PRRG1: variants seen among roughly 807,000 people sequenced by gnomAD.
PRRG1 encodes the protein proline rich and Gla domain 1.
PRRG1 carries 5 observed loss-of-function variants against 11.8 expected under a neutral mutation model. The ratio of observed to expected loss-of-function variants is 0.42; its 90% CI spans 0.22 to 0.89. The LOEUF is 0.89. PRRG1 is among the 40% of genes least tolerant of loss of function. The pLI, the probability that PRRG1 is intolerant of heterozygous loss-of-function variation, is 0.28. For synonymous variants in PRRG1, 66 were observed against 60.4 expected, an observed-to-expected ratio of 1.09 and a Z score of -0.43; for missense variants, 155 against 166.1, an observed-to-expected ratio of 0.93 and a Z score of 0.37.
chrX:37,352,584 T>G lies in PRRG1; in HGVS notation c.-42+3189T>G, dbSNP rs892559953. 2.7e-5 allele frequency among the ~76,000 whole-genome samples: 3 copies of G among 111,510 alleles called. No homozygotes were observed. The East Asian group carries it at 8.4e-4, about 31-fold the overall frequency. ...ATATTTCTGATTTTTTTTCTCTAATTCTTTGACCGGTTAACCTCAGTCACC... is the reference window on the plus strand; with the variant it reads ...ATATTTCTGATTTTTTTTCTCTAATGCTTTGACCGGTTAACCTCAGTCACC... On this transcript the variant is annotated intron_variant, in intron 1 of 3. Transcript: ENST00000378628.
chrX:37,439,433 C>T (rs1932934320), intron 3 of PRRG1, among the ~76,000 whole-genome samples: 1 of 111,896 alleles, frequency 8.9e-6, no homozygotes, highest in African/African-American at 3.3e-5. Context: ...CTGTTCATTT[C>T]ACAAATGAGG....
chrX:37,442,054 G>A (rs1302887279), intron 3 of PRRG1: 5 of 771,309 alleles, frequency 6.5e-6, no homozygotes, highest in East Asian at 2.8e-4. Flanking sequence ...CACCCTGGGC[G>A]GCAGCGAGGA....
rs149902784 is a variant in PRRG1 at position 37,441,715 on chromosome X, G to A, written c.172-11421G>A. ...CCTGCGCCAGTTGCACAAGAAGAGGGAGCACGTCCAGGAGCTGATGAGGCT... is the reference window on the plus strand; with the variant it reads ...CCTGCGCCAGTTGCACAAGAAGAGGAAGCACGTCCAGGAGCTGATGAGGCT... On this transcript the variant is annotated intron_variant, in intron 3 of 3. Transcript: ENST00000378628. The A allele has an allele frequency of 7.9e-3, 6,218 of 791,174 alleles. 25 individuals are homozygous for A. Among genetic ancestry groups the A allele is most frequent in the Middle Eastern group, 0.012 (29 of 2,368 alleles). The allele number at this position is 791,174 out of a possible 1,213,427, so 65.2% of individuals were successfully genotyped here.
In PRRG1 at chrX:37,357,920, G is replaced by A. The variant is rs782487816; in HGVS notation, c.-42+8525G>A. ...TCCTTGCCAGCATTTGGTGTTGTCA[G>A]TGTTCTGTATTCTGGCCATTTTAAT... On this transcript the variant is annotated intron_variant, in intron 1 of 3. Coordinates refer to ENST00000378628, the MANE Select transcript of PRRG1 (RefSeq NM_001142395.2). Among the ~76,000 whole-genome samples the A allele has an allele frequency of 5.3e-5, 6 of 112,450 alleles. No individual in the cohort carries two copies. The South Asian group carries it at 2.2e-3, about 41-fold the overall frequency.
Position 37,453,318 on chromosome X carries a change from C to T in PRRG1, c.354C>T (p.Gly118=), listed in dbSNP as rs150262063. 2.3e-4 allele frequency: 272 copies of T among 1,205,860 alleles called. No homozygotes were observed. Among genetic ancestry groups the T allele is most frequent in the Non-Finnish European group, 2.8e-4 (252 of 892,283 alleles). ...NKTRRQTVTE[G]HIPFPQHLNI... is the part of the protein sequence containing the mutation. ...CTCGTAGACAGACAGTGACTGAAGG[C>T]CACATTCCTTTCCCTCAGCACCTTA... The change falls in exon 4 of 4, where the codon GGC becomes GGT. Residue 118 remains glycine (G), a synonymous_variant. Coordinates refer to ENST00000378628, the MANE Select transcript of PRRG1 (RefSeq NM_001142395.2).
intron 2 of PRRG1, among the ~76,000 whole-genome samples, chrX:37,422,799 T>G (rs1215262896): frequency 9.0e-6 from 1 of 111,668 alleles, no homozygotes; most frequent in Admixed American, 9.5e-5. Context: ...AGCATCACAG[T>G]GTTAACACAT....
In PRRG1 at chrX:37,356,097, C is replaced by T. The variant is rs138855082; in HGVS notation, c.-42+6702C>T. Among the ~76,000 whole-genome samples, 911 of 111,941 alleles carry T rather than the reference C, an allele frequency of 8.1e-3. 14 individuals carry two copies. Among genetic ancestry groups the T allele is most frequent in the African/African-American group, 0.028 (871 of 30,923 alleles). On this transcript the variant is annotated intron_variant, in intron 1 of 3. Coordinates refer to ENST00000378628, the MANE Select transcript of PRRG1 (RefSeq NM_001142395.2). Reference sequence around the variant, plus strand: ...TTATTAGAAATTTCCGCCTTTGAGGCGCTTGCATCGTATTTGAGGGAGGCA... The same window carrying T: ...TTATTAGAAATTTCCGCCTTTGAGGTGCTTGCATCGTATTTGAGGGAGGCA...
intron 1 of PRRG1, among the ~76,000 whole-genome samples, chrX:37,368,853 T>C (rs1430667788): frequency 1.8e-5 from 2 of 110,896 alleles, no homozygotes; most frequent in Admixed American, 9.6e-5. Flanking sequence ...GTGGCTGCCC[T>C]AGGGATTATA....
At chrX:37,395,149 G>T (rs1164139603) in intron 1 of PRRG1, among the ~76,000 whole-genome samples, 1 of 112,084 alleles carries the variant, frequency 8.9e-6, no homozygotes. Flanking sequence ...AAGTCTTAAA[G>T]AGGCTAAATA....
At chrX:37,434,978 G>A (rs191727527) in intron 3 of PRRG1, among the ~76,000 whole-genome samples, 7 of 111,962 alleles carry the variant, frequency 6.3e-5, no homozygotes, top group East Asian at 5.6e-4. Flanking sequence ...AAAGTTAAGC[G>A]TGCATAGGAA....
At chrX:37,390,025 A>G (rs1931471064) in intron 1 of PRRG1, among the ~76,000 whole-genome samples, 1 of 112,131 alleles carries the variant, frequency 8.9e-6, no homozygotes, top group South Asian at 3.8e-4. Context: ...TTGAAAAACA[A>G]AAATTTATTG....
At chrX:37,450,863 T>A (rs1921103044) in intron 3 of PRRG1, among the ~76,000 whole-genome samples, 1 of 111,995 alleles carries the variant, frequency 8.9e-6, no homozygotes, top group African/African-American at 3.2e-5. Context: ...TTTTTAGGAG[T>A]GCAACTGTGA....
intron 1 of PRRG1, among the ~76,000 whole-genome samples, chrX:37,391,494 G>A (rs1428454605): frequency 1.8e-5 from 2 of 111,520 alleles, no homozygotes; most frequent in Admixed American, 1.9e-4. Flanking sequence ...TAATATTATG[G>A]AATTTCGAGG....
chrX:37,447,620 G>A (rs1933100377), intron 3 of PRRG1, among the ~76,000 whole-genome samples: 1 of 112,480 alleles, frequency 8.9e-6, no homozygotes, highest in Non-Finnish European at 1.9e-5. Context: ...GTTTGAGATA[G>A]AGAAGTGAGA....
intron 1 of PRRG1, chrX:37,403,829 C>T: frequency 3.1e-6 from 2 of 651,367 alleles, no homozygotes; most frequent in Non-Finnish European, 3.7e-6. Flanking sequence ...GGTATTAGGC[C>T]TTGAGCCTTT....
rs781809044 is a variant in PRRG1, at chrX:37,430,138, A to G, written c.171+4138A>G. ...CATTTTCTTTATACAGTGATCTGTC[A>G]GTGGACATTTGGTTACTTTTAGTTA... On this transcript the variant is annotated intron_variant, in intron 3 of 3. Transcript: ENST00000378628. Among the ~76,000 whole-genome samples the G allele has an allele frequency of 1.7e-4, 19 of 112,021 alleles. No homozygotes were observed. In the South Asian group the frequency reaches 3.0e-3, roughly 18 times the overall value.
intron 3 of PRRG1, among the ~76,000 whole-genome samples, chrX:37,446,363 T>G (rs1330465417): frequency 8.9e-6 from 1 of 112,006 alleles, no homozygotes; most frequent in African/African-American, 3.2e-5. Flanking sequence ...GTCTGGATCT[T>G]TAACTGGCTG....
chrX:37,394,973 C>A (rs782775274), intron 1 of PRRG1, among the ~76,000 whole-genome samples: 9 of 111,798 alleles, frequency 8.1e-5, no homozygotes, highest in Admixed American at 3.8e-4. Flanking sequence ...CCTCAAGAAC[C>A]AGATTGTACC....
chrX:37,378,078 A>G (rs1556372903), intron 1 of PRRG1, among the ~76,000 whole-genome samples: 1 of 112,219 alleles, frequency 8.9e-6, no homozygotes, highest in Non-Finnish European at 1.9e-5. Flanking sequence ...AAGGTGAGTA[A>G]GGCCAAAGAA....
Sources: allele counts gnomAD v4.1 joint callset (sites outside exome capture counted in the v4.1 genomes callset), GRCh38; gene constraint gnomAD v4.1.1; transcripts MANE v1.5; gene names NCBI Gene and HGNC (gene_info 2026-07-23, HGNC 2026-07-21).